Variants in CPA5 observed in about 807,000 individuals in gnomAD.
CPA5 encodes testicular tissue protein Li 32.
Under a neutral mutation model 52.2 loss-of-function variants are expected in CPA5, and 38 were observed. That is an observed-to-expected ratio of 0.73 (90% confidence interval 0.56 to 0.95). CPA5 has a LOEUF of 0.95. Ranked by LOEUF, CPA5 falls within the 40% of genes least tolerant of loss-of-function variation. The pLI is 0.00. For synonymous variants in CPA5, 198 were observed against 213.7 expected, an observed-to-expected ratio of 0.93 and a Z score of 0.64; for missense variants, 519 against 566.7, an observed-to-expected ratio of 0.92 and a Z score of 0.86.
At chr7:130,372,639 T>G (rs1796305893), downstream of CPA5, among the ~76,000 whole-genome samples, 1 of 152,232 alleles carries the variant, frequency 6.6e-6, no homozygotes, top group Non-Finnish European at 1.5e-5. Flanking sequence ...GTCCAGAGAC[T>G]TCGCCTTACA....
chr7:130,369,651 A>G (rs572945207), downstream of CPA5, among the ~76,000 whole-genome samples: 3 of 151,688 alleles, frequency 2.0e-5, no homozygotes, highest in South Asian at 2.1e-4. Flanking sequence ...GTGTGTGTGC[A>G]TGTGTGTGCA....
chr7:130,368,722 T>G lies in CPA5; in HGVS notation c.*125T>G, dbSNP rs1321476316. Reference sequence around the variant, plus strand: ...ACCTCTTAGAAAATAAATACAAGTTTGAACAGGCTTCGCTGCCTCTCGTGT... The same window carrying G: ...ACCTCTTAGAAAATAAATACAAGTTGGAACAGGCTTCGCTGCCTCTCGTGT... On this transcript the variant is annotated 3_prime_UTR_variant, in exon 13 of 13. Transcript: ENST00000474905. The G allele has an allele frequency of 8.9e-6, 9 of 1,007,852 alleles. No individual in the cohort carries two copies. In the African/African-American group the frequency reaches 1.5e-4, roughly 16 times the overall value. The allele number at this position is 1,007,852 out of a possible 1,614,324, so 62.4% of individuals were successfully genotyped here.
chr7:130,359,558 TC>T, intron 5 of CPA5, 30 bp from the exon 6 acceptor site: 1 of 1,523,868 alleles, frequency 6.6e-7, no homozygotes, highest in Non-Finnish European at 8.9e-7. Flanking sequence ...GCTCTCCCCT[TC>T]CTTTCCAATA....
Position 130,368,586 on chromosome 7 carries a change from C to T in CPA5, c.1300C>T (p.His434Tyr), listed in dbSNP as rs1554409381. 6.2e-7 allele frequency: 1 copy of T among 1,613,976 alleles called. No individual in the cohort carries two copies. Among genetic ancestry groups the T allele is most frequent in the African/African-American group, 1.3e-5 (1 of 74,902 alleles). The change falls in exon 13 of 13, where the codon CAC becomes TAC. Residue 434 changes from histidine to tyrosine, a missense_variant. His to Tyr is a moderately conservative substitution (Grantham distance 83, BLOSUM62 2). Coordinates refer to ENST00000474905, the MANE Select transcript of CPA5 (RefSeq NM_080385.5). The stretch of plus-strand genomic sequence containing the variant: ...GACCATCATGGAGCACACCCTGAAT[C>T]ACCCCTACTAGCAGCACGACTGAGG... ...LRTIMEHTLN[H>Y]PY
intron 5 of CPA5, among the ~76,000 whole-genome samples, chr7:130,356,615 C>T (rs571138730): frequency 1.2e-4 from 18 of 152,318 alleles, no homozygotes; most frequent in African/African-American, 3.9e-4. Context: ...CACCTCCATT[C>T]ACAAGGCTGT....
At position 130,367,436 on chromosome 7, in the gene CPA5, G is replaced by T; in HGVS notation, c.903G>T (p.Pro301=). 6.2e-7 allele frequency: 1 copy of T among 1,614,114 alleles called. No individual in the cohort carries two copies. The highest frequency in any genetic ancestry group is 8.5e-7 in the Non-Finnish European group (1 of 1,180,026). ...ACGGGCCCTCCCCTCAGTCGGAGCC[G>T]GAGGTGGCTGCCATAGTGAACTTCA... The part of the protein sequence containing the change: ...TYHGPSPQSE[P]EVAAIVNFIT... Residue 301 remains proline (P), a synonymous_variant, in exon 11 of 13, where the codon CCG becomes CCT. Transcript: ENST00000474905.
At position 130,350,073 on chromosome 7, in the gene CPA5, T is replaced by C; in HGVS notation, c.297T>C (p.His99=). 1 of 1,613,902 alleles carries C rather than the reference T, an allele frequency of 6.2e-7. No homozygotes were observed. Among genetic ancestry groups the C allele is most frequent in the Non-Finnish European group, 8.5e-7 (1 of 1,179,950 alleles). Residue 99 remains histidine, a synonymous_variant, in exon 5 of 13, where the codon CAT becomes CAC. Transcript: ENST00000474905. ...LKDIKAYLES[H]GLAYSIMIKD... is the part of the protein sequence containing the mutation. ...ACATCAAAGCTTATCTGGAGTCTCA[T>C]GGACTTGCTTACAGCATCATGATAA... is the stretch of plus-strand genomic sequence containing the variant.
chr7:130,366,140 A>AT (rs1200605844), intron 10 of CPA5, among the ~76,000 whole-genome samples: 2 of 152,178 alleles, frequency 1.3e-5, no homozygotes, highest in Non-Finnish European at 2.9e-5. Flanking sequence ...CCTGTAGACC[A>AT]TCCCTCCCAC....
Position 130,368,606 on chromosome 7 carries a change from C to G in CPA5, c.*9C>G. 6.2e-7 allele frequency: 1 copy of G among 1,613,826 alleles called. No homozygotes were observed. The highest frequency in any genetic ancestry group is 8.5e-7 in the Non-Finnish European group (1 of 1,179,908). ...TGAATCACCCCTACTAGCAGCACGA[C>G]TGAGGGCAGGAGGCTCCATCCTTCT... is the stretch of plus-strand genomic sequence containing the variant. On this transcript the variant is annotated 3_prime_UTR_variant, in exon 13 of 13. Coordinates refer to ENST00000474905, the MANE Select transcript of CPA5 (RefSeq NM_080385.5).
At chr7:130,372,092 C>T (rs1796300631), downstream of CPA5, among the ~76,000 whole-genome samples, 1 of 152,218 alleles carries the variant, frequency 6.6e-6, no homozygotes, top group South Asian at 2.1e-4. Context: ...CCTAGGACCA[C>T]CCACTGGAAG....
chr7:130,352,507 G>T (rs934845308), intron 5 of CPA5, among the ~76,000 whole-genome samples: 1 of 151,936 alleles, frequency 6.6e-6, no homozygotes, highest in African/African-American at 2.4e-5. Context: ...GAGCAGGTGA[G>T]GGGGGGCTGG....
chr7:130,360,324 G>A (rs1024138515), intron 6 of CPA5, among the ~76,000 whole-genome samples: 1 of 152,244 alleles, frequency 6.6e-6, no homozygotes, highest in Non-Finnish European at 1.5e-5. Context: ...ATAATATGAG[G>A]GGCAGGAAGC....
chr7:130,360,545 CATCT>C (rs1348559831), intron 6 of CPA5, among the ~76,000 whole-genome samples: 1 of 152,240 alleles, frequency 6.6e-6, no homozygotes, highest in East Asian at 1.9e-4. Flanking sequence ...TGATACCATC[CATCT>C]ATTATCATCA....
chr7:130,371,158 T>G (rs559862801), downstream of CPA5, among the ~76,000 whole-genome samples: 4 of 152,342 alleles, frequency 2.6e-5, no homozygotes, highest in South Asian at 4.1e-4. Flanking sequence ...GGACAAGAAC[T>G]GGCCTAGGGG....
At position 130,347,783 on chromosome 7, in the gene CPA5, T is replaced by G; in HGVS notation, c.134T>G (p.Val45Gly). 2 of 1,613,760 alleles carry G rather than the reference T, an allele frequency of 1.2e-6. No individual in the cohort carries two copies. The highest frequency in any genetic ancestry group is 1.7e-6 in the Non-Finnish European group (2 of 1,179,912). Residue 45 changes from valine to glycine, a missense_variant, in exon 4 of 13, where the codon GTC (valine) becomes GGC (glycine). Val to Gly is a moderately radical substitution (Grantham distance 109, BLOSUM62 -3). Transcript: ENST00000474905. The part of the protein sequence containing the change: ...MNFTGDQVLR[V>G]LAKDEKQLSL... ...TTTTCTAGGGACCAGGTTCTTCGAGTCCTGGCCAAAGATGAGAAGCAGCTT... is the reference window on the plus strand; with the variant it reads ...TTTTCTAGGGACCAGGTTCTTCGAGGCCTGGCCAAAGATGAGAAGCAGCTT...
intron 7 of CPA5, among the ~76,000 whole-genome samples, chr7:130,362,184 T>C (rs921094368): frequency 6.6e-6 from 1 of 152,222 alleles, no homozygotes; most frequent in Non-Finnish European, 1.5e-5. Context: ...GGTCTTAAGA[T>C]ACTTTCAATC....
chr7:130,353,481 A>G (rs545383721), intron 5 of CPA5, among the ~76,000 whole-genome samples: 1 of 152,268 alleles, frequency 6.6e-6, no homozygotes, highest in South Asian at 2.1e-4. Context: ...CTGGGGGTGC[A>G]ATGGGCATCT....
chr7:130,361,506 T>A (rs1299894851), intron 7 of CPA5, among the ~76,000 whole-genome samples: 3 of 152,108 alleles, frequency 2.0e-5, no homozygotes, highest in Non-Finnish European at 4.4e-5. Flanking sequence ...GGGCTGCAGA[T>A]TGGCAGTTGT....
chr7:130,369,590 G>T (rs1326492251), downstream of CPA5, among the ~76,000 whole-genome samples: 1 of 152,182 alleles, frequency 6.6e-6, no homozygotes, highest in Non-Finnish European at 1.5e-5. Context: ...GTGAGAGCAA[G>T]ACTTGCATTT....
Sources: gnomAD v4.1 joint callset for allele counts (sites outside exome capture counted in the v4.1 genomes callset) on GRCh38, gnomAD v4.1.1 for gene constraint, MANE v1.5 for transcripts, NCBI Gene and HGNC (gene_info 2026-07-23, HGNC 2026-07-21) for gene names.